DCC: variants seen among roughly 807,000 people sequenced by gnomAD.
DCC encodes DCC netrin 1 receptor, also known as netrin receptor DCC.
DCC carries 58 observed loss-of-function variants against 172.5 expected under a neutral mutation model. The ratio of observed to expected loss-of-function variants is 0.34; its 90% CI spans 0.27 to 0.42. The LOEUF (loss-of-function observed/expected upper bound fraction) is 0.42, where lower values mean the gene tolerates loss of function less well. Among genes scored for constraint, DCC ranks in the 10% least tolerant of loss-of-function variants. DCC has a pLI of 1.00. For synonymous variants in DCC, 709 were observed against 644.5 expected (o/e 1.10, Z -1.52); for missense variants, 1,740 against 1,791.0 (o/e 0.97, Z 0.51).
At chr18:53,050,501 G>A (rs533635979) in intron 5 of DCC, among the ~76,000 whole-genome samples, 20 of 152,152 alleles carry the variant, frequency 1.3e-4, no homozygotes, top group South Asian at 4.1e-4. Flanking sequence ...TTCCTGGTTA[G>A]GTGTATTCCT....
intron 5 of DCC, among the ~76,000 whole-genome samples, chr18:53,018,340 T>G (rs1379238812): frequency 6.6e-6 from 1 of 152,182 alleles, no homozygotes; most frequent in Non-Finnish European, 1.5e-5. Flanking sequence ...ACCTAAATTC[T>G]GAATATAAGA....
intron 5 of DCC, among the ~76,000 whole-genome samples, chr18:52,948,739 C>A (rs16955906): frequency 0.13 from 20,027 of 152,212 alleles, 1,591 homozygotes; most frequent in East Asian, 0.33. Context: ...CACTAATAAA[C>A]ACTACATTCA....
chr18:52,704,548 A>G (rs962507609), intron 1 of DCC, among the ~76,000 whole-genome samples: 2 of 152,190 alleles, frequency 1.3e-5, no homozygotes, highest in Non-Finnish European at 2.9e-5. Context: ...TGGTGATTGA[A>G]GGCTTCCACT....
intron 1 of DCC, among the ~76,000 whole-genome samples, chr18:52,661,592 A>G (rs571036200): frequency 1.3e-5 from 2 of 152,360 alleles, no homozygotes; most frequent in African/African-American, 4.8e-5. Context: ...AACTGGCCCA[A>G]TAGGTGCTGA....
chr18:52,792,758 CTATT>C (rs1568106974), intron 2 of DCC, among the ~76,000 whole-genome samples: 41 of 117,954 alleles, frequency 3.5e-4, no homozygotes, highest in Middle Eastern at 8.8e-3. Context: ...CCAGTTGATT[CTATT>C]CCATTCTATT....
At chr18:52,605,256 A>G (rs550138195) in intron 1 of DCC, among the ~76,000 whole-genome samples, 1 of 152,238 alleles carries the variant, frequency 6.6e-6, no homozygotes, top group African/African-American at 2.4e-5. Flanking sequence ...TTAATATAAT[A>G]TTTTTAAAAT....
chr18:52,567,393 A>G (rs2033184154), intron 1 of DCC, among the ~76,000 whole-genome samples: 2 of 152,132 alleles, frequency 1.3e-5, no homozygotes, highest in Non-Finnish European at 2.9e-5. Flanking sequence ...AGGAAAATGT[A>G]GTGTGGTGGG....
chr18:53,277,369 G>T (rs1231786730), intron 12 of DCC, among the ~76,000 whole-genome samples: 1 of 152,050 alleles, frequency 6.6e-6, no homozygotes, highest in Non-Finnish European at 1.5e-5. Flanking sequence ...GGAGAAGGAG[G>T]ATCCTTATTA....
chr18:53,316,466 GA>G (rs1352041477), intron 13 of DCC, among the ~76,000 whole-genome samples: 18 of 145,028 alleles, frequency 1.2e-4, no homozygotes, highest in Admixed American at 1.2e-3. Context: ...GAAATTTAAA[GA>G]AGTTTTTTTT....
intron 7 of DCC, among the ~76,000 whole-genome samples, chr18:53,075,957 C>T (rs2042719864): frequency 6.6e-6 from 1 of 152,024 alleles, no homozygotes; most frequent in African/African-American, 2.4e-5. Flanking sequence ...TGTGGCTTAC[C>T]CAAATTCCTG....
At chr18:52,754,614 T>A (rs900918183) in intron 2 of DCC, among the ~76,000 whole-genome samples, 1 of 152,168 alleles carries the variant, frequency 6.6e-6, no homozygotes, top group African/African-American at 2.4e-5. Context: ...CTTTGAGAAA[T>A]CAATGTCTGT....
chr18:53,370,914 C>CA (rs1377007415), intron 15 of DCC, among the ~76,000 whole-genome samples: 2 of 150,568 alleles, frequency 1.3e-5, no homozygotes, highest in South Asian at 2.1e-4. Context: ...GCTTAACCAA[C>CA]AAAAAAAAAT....
At chr18:53,169,413 C>T (rs769794756) in intron 8 of DCC, among the ~76,000 whole-genome samples, 1 of 152,130 alleles carries the variant, frequency 6.6e-6, no homozygotes, top group South Asian at 2.1e-4. Context: ...AATCAGACTT[C>T]GTATATTTGA....
chr18:53,031,113 G>A (rs1032047492), intron 5 of DCC, among the ~76,000 whole-genome samples: 1 of 152,056 alleles, frequency 6.6e-6, no homozygotes, highest in African/African-American at 2.4e-5. Flanking sequence ...ACAAAAATTA[G>A]CCAGGTTTTG....
At chr18:52,938,917 C>T (rs559237827) in intron 5 of DCC, among the ~76,000 whole-genome samples, 10 of 152,180 alleles carry the variant, frequency 6.6e-5, no homozygotes, top group African/African-American at 2.2e-4. Context: ...GTCCTAAAAC[C>T]TCCTAACTTG....
chr18:53,278,746 T>C (rs1271133301), intron 12 of DCC, among the ~76,000 whole-genome samples: 1 of 152,304 alleles, frequency 6.6e-6, no homozygotes, highest in South Asian at 2.1e-4. Context: ...ATGTGCCAGA[T>C]GTGCATAAAT....
intron 27 of DCC, among the ~76,000 whole-genome samples, chr18:53,506,838 A>G (rs768212781): frequency 5.5e-5 from 8 of 145,744 alleles, no homozygotes; most frequent in Non-Finnish European, 1.2e-4. Context: ...AGTCTGGGTG[A>G]CAGAGCAAGA....
intron 6 of DCC, among the ~76,000 whole-genome samples, chr18:53,065,372 T>C (rs867280732): frequency 1.3e-5 from 2 of 152,260 alleles, no homozygotes; most frequent in African/African-American, 4.8e-5. Flanking sequence ...TTATCATCCA[T>C]CCTTGAAAAA....
intron 1 of DCC, among the ~76,000 whole-genome samples, chr18:52,489,885 A>G (rs2030418079): frequency 6.6e-6 from 1 of 152,126 alleles, no homozygotes; most frequent in African/African-American, 2.4e-5. Flanking sequence ...CTTTAATTTT[A>G]TATGCAGCTT....
Sources: gnomAD v4.1 joint callset for allele counts (sites outside exome capture counted in the v4.1 genomes callset) on GRCh38, gnomAD v4.1.1 for gene constraint, MANE v1.5 for transcripts, NCBI Gene and HGNC (gene_info 2026-07-23, HGNC 2026-07-21) for gene names.